Variants in MRPS2 observed in about 807,000 individuals in gnomAD.
MRPS2 encodes mitochondrial ribosomal protein S2, also known as small ribosomal subunit protein uS2m.
Under a neutral mutation model 18.9 loss-of-function variants are expected in MRPS2, and 13 were observed. The ratio of observed to expected loss-of-function variants is 0.69; its 90% CI spans 0.45 to 1.09. The LOEUF is 1.09. Among genes scored for constraint, MRPS2 ranks in the 50% least tolerant of loss-of-function variants. The pLI, the probability that MRPS2 is intolerant of heterozygous loss-of-function variation, is 0.00. For missense variants in MRPS2, 389 were observed against 421.7 expected, an observed-to-expected ratio of 0.92 and a Z score of 0.68; for synonymous variants, 186 against 178.4, an observed-to-expected ratio of 1.04 and a Z score of -0.34.
At chr9:135,503,320 G>T in intron 3 of MRPS2, 1 of 1,420,072 alleles carries the variant, frequency 7.0e-7, no homozygotes, top group Non-Finnish European at 9.2e-7. Context: ...GTAGAGGGTA[G>T]GAGGGGTTAA....
chr9:135,504,155 A>C lies in MRPS2; in HGVS notation c.*22A>C. 6.4e-7 allele frequency: 1 copy of C among 1,552,804 alleles called. No homozygotes were observed. Among genetic ancestry groups the C allele is most frequent in the South Asian group, 1.2e-5 (1 of 83,160 alleles). On this transcript the variant is annotated 3_prime_UTR_variant, in exon 4 of 4. Transcript: ENST00000241600. This position sits in a 1 kb window ranked among gnomAD's most constrained non-coding sequence, Gnocchi z 4.3. ...GTGATGTTCACTCTCCTCCCAAAGC[A>C]AACCACAGCCAAGCCTGTCTGAGCT...
intron 1 of MRPS2, 70 bp from the exon 2 acceptor site, chr9:135,500,928 G>A (rs768408278): frequency 3.8e-6 from 6 of 1,595,964 alleles, no homozygotes; most frequent in African/African-American, 1.3e-5. Context: ...GGGCCCGTTG[G>A]GGATGCGGTG....
rs561700565 is a variant in MRPS2, at chr9:135,504,094, A to G, written c.852A>G (p.Pro284=). Residue 284 remains proline (P), a synonymous_variant, in exon 4 of 4, where the codon CCA becomes CCG. Transcript: ENST00000241600. This position sits in a 1 kb window ranked among gnomAD's most constrained non-coding sequence, Gnocchi z 4.3. ...AGAAGGAGCCCGGGGACCAGGGGCC[A>G]GCCCACCCTCCTGGGGCTGACATGA... ...QGQKEPGDQG[P]AHPPGADMSH... is the part of the protein sequence containing the mutation. 9 of 1,611,522 alleles carry G rather than the reference A, an allele frequency of 5.6e-6. No individual in the cohort carries two copies. Among genetic ancestry groups the G allele is most frequent in the Non-Finnish European group, 5.1e-6 (6 of 1,179,832 alleles).
chr9:135,501,411 G>A, intron 2 of MRPS2: 3 of 1,227,568 alleles, frequency 2.4e-6, no homozygotes, highest in Non-Finnish European at 3.1e-6. Context: ...CCGGAGCCCC[G>A]AGCTCGCCCA....
In MRPS2 at chr9:135,500,689, C is replaced by T. The variant is rs1156816829; in HGVS notation, c.-22C>T. On this transcript the variant is annotated 5_prime_UTR_variant, in exon 1 of 4. Coordinates refer to ENST00000241600, the MANE Select transcript of MRPS2 (RefSeq NM_016034.5). ...CTCGGCCTGGCCTGGAGGGAGACCT[C>T]GCTCTGCCCCGCGTCCCAGCCATGG... 9 of 1,460,310 alleles carry T rather than the reference C, an allele frequency of 6.2e-6. No individual in the cohort carries two copies. The East Asian group carries it at 1.1e-4, about 18-fold the overall frequency. 90.5% of individuals were successfully genotyped at this position (1,460,310 alleles called of 1,614,324 possible).
rs1013920267 is a variant in MRPS2, at chr9:135,500,895, G to C, written c.44-103G>C. 7 of 1,569,294 alleles carry C rather than the reference G, an allele frequency of 4.5e-6. No individual in the cohort carries two copies. The African/African-American group carries it at 9.5e-5, about 21-fold the overall frequency. On this transcript the variant is annotated intron_variant, in intron 1 of 3. Transcript: ENST00000241600. ...CTCGGGGAGGGCGCGGGGACGCGGA[G>C]GGGACCCGTTAGGGACGCGGAGGGG...
chr9:135,501,153 G>T, intron 2 of MRPS2, 30 bp downstream of exon 2: 1 of 1,561,690 alleles, frequency 6.4e-7, no homozygotes, highest in South Asian at 1.2e-5. Flanking sequence ...CGAGTTGGGT[G>T]GGAACGAGGA....
Position 135,504,300 on chromosome 9 carries a change from C to T in MRPS2, c.*167C>T, listed in dbSNP as rs1458768544. 13 of 672,496 alleles carry T rather than the reference C, an allele frequency of 1.9e-5. No homozygotes were observed. The highest frequency in any genetic ancestry group is 5.5e-5 in the African/African-American group (3 of 55,026). The allele number at this position is 672,496 out of a possible 1,614,324, so 41.7% of individuals were successfully genotyped here. A position where few individuals can be genotyped will look rare whatever the true frequency, so the allele number is the denominator to read the frequency against. On this transcript the variant is annotated 3_prime_UTR_variant, in exon 4 of 4. Coordinates refer to ENST00000241600, the MANE Select transcript of MRPS2 (RefSeq NM_016034.5). This position sits in a 1 kb window ranked among gnomAD's most constrained non-coding sequence, Gnocchi z 4.3. ...CAGAACCAGTGGCTGAGCGGACCAA[C>T]GTTGCCATGTGCGTTTGCTCTGTGG...
chr9:135,503,962 C>G lies in MRPS2; in HGVS notation c.720C>G (p.Asp240Glu). 1 of 1,613,872 alleles carries G rather than the reference C, an allele frequency of 6.2e-7. No individual in the cohort carries two copies. ...TCACCTACCCTGTACCCGGCAATGA[C>G]GACTCTCCGCTGGCTGTGCACCTCT... ...CLITYPVPGN[D>E]DSPLAVHLYC... The change falls in exon 4 of 4, where the codon GAC becomes GAG. Residue 240 changes from aspartate (D) to glutamate (E), a missense_variant. By Grantham distance (45) the Asp-to-Glu change is conservative (BLOSUM62 2). Coordinates refer to ENST00000241600, the MANE Select transcript of MRPS2 (RefSeq NM_016034.5).
chr9:135,503,183 C>G, intron 3 of MRPS2: 2 of 1,095,700 alleles, frequency 1.8e-6, no homozygotes, highest in Non-Finnish European at 2.2e-6. Flanking sequence ...CGCAAAGCCT[C>G]GGGAAGAGGA....
At chr9:135,500,008 G>C (rs1831075385), upstream of MRPS2, 4 of 861,678 alleles carry the variant, frequency 4.6e-6, no homozygotes, top group Non-Finnish European at 6.7e-6. Flanking sequence ...CTCCCCAAGG[G>C]CCGGGAAGGT....
chr9:135,502,837 CTGT>C (rs1831183545), intron 3 of MRPS2, among the ~76,000 whole-genome samples: 1 of 152,122 alleles, frequency 6.6e-6, no homozygotes, highest in African/African-American at 2.4e-5. Context: ...ATGTGGTTCT[CTGT>C]TGATGCTGCT....
At chr9:135,500,330 T>C, upstream of MRPS2, 1 of 322,914 alleles carries the variant, frequency 3.1e-6, no homozygotes, top group Non-Finnish European at 5.6e-6. Flanking sequence ...CGTTTAAATA[T>C]TACAAACAGT....
intron 2 of MRPS2, 48 bp downstream of exon 2, chr9:135,501,171 G>A: frequency 1.3e-6 from 2 of 1,529,868 alleles, no homozygotes; most frequent in East Asian, 4.8e-5. Flanking sequence ...GGAGAGGCCG[G>A]CAGCCGCGGG....
chr9:135,500,671 T>G (rs59940288), upstream of MRPS2: 4,967 of 1,419,748 alleles, frequency 3.5e-3, 143 homozygotes, highest in African/African-American at 0.063. Context: ...CCGCTCGGCC[T>G]GGCCTGGAGG....
chr9:135,501,659 T>C (rs1831140476), intron 2 of MRPS2, 185 bp from the exon 3 acceptor site: 2 of 1,413,638 alleles, frequency 1.4e-6, no homozygotes, highest in Non-Finnish European at 1.8e-6. Flanking sequence ...AGAACCTGGC[T>C]CCAGCCCTCT....
intron 3 of MRPS2, 150 bp downstream of exon 3, chr9:135,502,123 A>T: frequency 1.4e-6 from 2 of 1,451,342 alleles, no homozygotes; most frequent in Non-Finnish European, 1.8e-6. Context: ...AGCCCCACAG[A>T]GAAGCAGGAG....
intron 3 of MRPS2, 68 bp downstream of exon 3, chr9:135,502,041 G>A: frequency 6.2e-7 from 1 of 1,605,502 alleles, no homozygotes; most frequent in Non-Finnish European, 8.5e-7. Context: ...TCTGGTTCTA[G>A]GGCCACTTTT....
upstream of MRPS2, chr9:135,500,611 G>T (rs1831087258): frequency 7.7e-7 from 1 of 1,292,026 alleles, no homozygotes; most frequent in African/African-American, 1.6e-5. Context: ...GGCTCCTCCG[G>T]GCCTGTAGGC....
Sources: allele counts gnomAD v4.1 joint callset (sites outside exome capture counted in the v4.1 genomes callset), GRCh38; gene constraint gnomAD v4.1.1; non-coding constraint Gnocchi (gnomAD v3.1); transcripts MANE v1.5; gene names NCBI Gene and HGNC (gene_info 2026-07-23, HGNC 2026-07-21).